The following SORCS2 variants were observed in gnomAD, a reference collection of about 807,000 sequenced individuals.
SORCS2 encodes VPS10 domain-containing receptor SorCS2.
Under a neutral mutation model 141.6 loss-of-function variants are expected in SORCS2, and 100 were observed. The observed-to-expected ratio is 0.71, with a 90% CI of 0.60 to 0.83. The LOEUF is 0.83. Ranked by LOEUF, SORCS2 falls within the 40% of genes least tolerant of loss-of-function variation. The pLI is 0.00. For synonymous variants in SORCS2, 789 were observed against 676.9 expected (o/e 1.17, Z -2.57); for missense variants, 1,646 against 1,560.2 (o/e 1.05, Z -0.93).
At chr4:7,707,377 G>C (rs1001886480) in intron 14 of SORCS2, among the ~76,000 whole-genome samples, 31 of 152,190 alleles carry the variant, frequency 2.0e-4, no homozygotes, top group Non-Finnish European at 4.0e-4. Context: ...TTAGCAACAA[G>C]AAGCCATCAG....
At chr4:7,554,311 A>G (rs2109645520) in intron 3 of SORCS2, among the ~76,000 whole-genome samples, 1 of 150,786 alleles carries the variant, frequency 6.6e-6, no homozygotes, top group African/African-American at 2.4e-5. Context: ...GAGCTGTAAC[A>G]TAGGAGAGTT....
intron 17 of SORCS2, 68 bp from the exon 18 acceptor site, chr4:7,717,944 C>A: frequency 1.4e-6 from 2 of 1,464,872 alleles, no homozygotes; most frequent in African/African-American, 2.9e-5. Context: ...ACGTCCCTCC[C>A]CAGACTATGG....
intron 19 of SORCS2, 139 bp downstream of exon 19, chr4:7,724,022 A>G: frequency 1.9e-6 from 2 of 1,055,720 alleles, no homozygotes; most frequent in Non-Finnish European, 2.6e-6. Flanking sequence ...GCAGGGAGGC[A>G]GGGAGGCTGG....
At chr4:7,476,836 T>C (rs558341867) in intron 2 of SORCS2, among the ~76,000 whole-genome samples, 1 of 152,322 alleles carries the variant, frequency 6.6e-6, no homozygotes, top group Admixed American at 6.5e-5. Flanking sequence ...CCACCAGCAT[T>C]GCCTACTGTC....
At position 7,322,066 on chromosome 4, in the gene SORCS2, C is replaced by G. The variant is rs559837330; in HGVS notation, c.481-74222C>G. 2.6e-5 allele frequency among the ~76,000 whole-genome samples: 4 copies of G among 152,156 alleles called. No individual in the cohort carries two copies. In the East Asian group the frequency reaches 5.8e-4, roughly 22 times the overall value. On this transcript the variant is annotated intron_variant, in intron 1 of 26. Coordinates refer to ENST00000507866, the MANE Select transcript of SORCS2 (RefSeq NM_020777.3). ...CTTTTTCCTCCTGAGCCATGAGGCT[C>G]GTAGAGGGCCTCTGCCATCAGACAG...
rs1297957293 is a variant in SORCS2, at chr4:7,538,910, G to A, written c.648+7281G>A. Among the ~76,000 whole-genome samples, 5 of 152,298 alleles carry A rather than the reference G, an allele frequency of 3.3e-5. No homozygotes were observed. In the East Asian group the frequency reaches 7.7e-4, roughly 24 times the overall value. On this transcript the variant is annotated intron_variant, in intron 3 of 26. Transcript: ENST00000507866. Reference sequence around the variant, plus strand: ...GTGAAAACCTCCACTTGGCAGAGGCGGTGTGGTCATGATAAAGCATGGCCC... The same window carrying A: ...GTGAAAACCTCCACTTGGCAGAGGCAGTGTGGTCATGATAAAGCATGGCCC...
At chr4:7,232,697 C>T (rs569080143) in intron 1 of SORCS2, among the ~76,000 whole-genome samples, 78 of 152,294 alleles carry the variant, frequency 5.1e-4, no homozygotes, top group African/African-American at 1.8e-3. Flanking sequence ...CACACTGTGT[C>T]GATGCGTGCC....
intron 5 of SORCS2, among the ~76,000 whole-genome samples, chr4:7,658,950 C>G (rs1259085413): frequency 1.3e-5 from 2 of 152,190 alleles, no homozygotes; most frequent in Non-Finnish European, 2.9e-5. Flanking sequence ...GCCACTGATA[C>G]CAGGAAGTGA....
chr4:7,445,733 C>T (rs1428564453), intron 2 of SORCS2, among the ~76,000 whole-genome samples: 1 of 152,124 alleles, frequency 6.6e-6, no homozygotes, highest in Non-Finnish European at 1.5e-5. Context: ...GTCAGGCTGC[C>T]CTTTTGTCAG....
chr4:7,247,206 G>A (rs1401398450), intron 1 of SORCS2, among the ~76,000 whole-genome samples: 2 of 152,148 alleles, frequency 1.3e-5, no homozygotes, highest in Non-Finnish European at 2.9e-5. Flanking sequence ...TGTGGCCTGA[G>A]TACAGAATTA....
intron 1 of SORCS2, among the ~76,000 whole-genome samples, chr4:7,337,744 C>A (rs1020678577): frequency 6.6e-6 from 1 of 152,212 alleles, no homozygotes; most frequent in South Asian, 2.1e-4. Flanking sequence ...TTAGCCAATG[C>A]GTGCAGTGAA....
intron 3 of SORCS2, among the ~76,000 whole-genome samples, chr4:7,543,927 T>TCCAC (rs1463832178): frequency 1.6e-5 from 1 of 62,436 alleles, no homozygotes; most frequent in African/African-American, 6.9e-5. Flanking sequence ...CATCCACCCA[T>TCCAC]CCACCCATCC....
At chr4:7,315,888 C>A (rs1718517435) in intron 1 of SORCS2, among the ~76,000 whole-genome samples, 1 of 152,190 alleles carries the variant, frequency 6.6e-6, no homozygotes, top group South Asian at 2.1e-4. Context: ...TGGTACACAT[C>A]ACCCAACCTA....
At chr4:7,513,561 C>G (rs540929861) in intron 2 of SORCS2, among the ~76,000 whole-genome samples, 5 of 152,194 alleles carry the variant, frequency 3.3e-5, no homozygotes, top group Non-Finnish European at 7.3e-5. Context: ...GAGACCCACT[C>G]GGTAGAAAGG....
chr4:7,235,306 G>A (rs1413151080), intron 1 of SORCS2, among the ~76,000 whole-genome samples: 1 of 152,206 alleles, frequency 6.6e-6, no homozygotes, highest in Admixed American at 6.5e-5. Context: ...TGGCCTCATC[G>A]CCAGGACCCT....
At chr4:7,692,614 G>A (rs180861977) in intron 11 of SORCS2, among the ~76,000 whole-genome samples, 13 of 152,330 alleles carry the variant, frequency 8.5e-5, no homozygotes, top group African/African-American at 2.9e-4. Flanking sequence ...TCAGCTGCTC[G>A]GGGTTGAACA....
At position 7,439,720 on chromosome 4, in the gene SORCS2, A is replaced by G. The variant is rs555253842; in HGVS notation, c.548+43365A>G. ...GAGATCCAGGCATGTTGTTCCCACA[A>G]CTGTAGGCTGTTTCTTCACCTTGCT... On this transcript the variant is annotated intron_variant, in intron 2 of 26. Transcript: ENST00000507866. Among the ~76,000 whole-genome samples, 84 of 152,252 alleles carry G rather than the reference A, an allele frequency of 5.5e-4. 2 individuals carry two copies. The South Asian group carries it at 0.017, about 31-fold the overall frequency.
rs920400843 is a variant in SORCS2 at position 7,663,708 on chromosome 4, CAGG to C, written c.953-634_953-632del. 2.0e-5 allele frequency among the ~76,000 whole-genome samples: 3 copies of C among 152,050 alleles called. No homozygotes were observed. The highest frequency in any genetic ancestry group is 7.2e-5 in the African/African-American group (3 of 41,388). ...CTGCCGGGTCACCCAAGGCTGGGGG[CAGG>C]AGGAGGAGGAAAAGGAAGAGGAGGA... On this transcript the variant is annotated intron_variant, in intron 6 of 26. Coordinates refer to ENST00000507866, the MANE Select transcript of SORCS2 (RefSeq NM_020777.3). The surrounding 1 kb of genome is among the most constrained non-coding windows in gnomAD (Gnocchi z 4.8).
intron 2 of SORCS2, among the ~76,000 whole-genome samples, chr4:7,529,554 C>T (rs1263428470): frequency 1.3e-5 from 2 of 152,068 alleles, no homozygotes; most frequent in Admixed American, 6.5e-5. Flanking sequence ...TGGGCTAAGG[C>T]GAGCAGAGCT....
Sources: allele counts gnomAD v4.1 joint callset (sites outside exome capture counted in the v4.1 genomes callset), GRCh38; gene constraint gnomAD v4.1.1; non-coding constraint Gnocchi (gnomAD v3.1); transcripts MANE v1.5; gene names NCBI Gene and HGNC (gene_info 2026-07-23, HGNC 2026-07-21).